COG3: variants seen among roughly 807,000 people sequenced by gnomAD.
COG3 encodes the protein conserved oligomeric Golgi complex subunit 3.
A neutral mutation model predicts 114.1 loss-of-function variants in COG3; 32 were observed. The observed-to-expected ratio is 0.28, with a 90% CI of 0.21 to 0.38. The LOEUF (loss-of-function observed/expected upper bound fraction) is 0.38. Among genes scored for constraint, COG3 ranks in the 10% least tolerant of loss-of-function variants. The pLI is 1.00. For missense variants in COG3, 813 were observed against 973.2 expected (o/e 0.84, Z 2.19); for synonymous variants, 352 against 365.7 (o/e 0.96, Z 0.43).
Position 45,465,162 on chromosome 13 carries a change from G to T in COG3, c.126G>T (p.Ser42=). 6.2e-7 allele frequency: 1 copy of T among 1,613,646 alleles called. No homozygotes were observed. Among genetic ancestry groups the T allele is most frequent in the Non-Finnish European group, 8.5e-7 (1 of 1,179,930 alleles). Residue 42 remains serine, a synonymous_variant, in exon 1 of 23, where the codon TCG becomes TCT. Coordinates refer to ENST00000349995, the MANE Select transcript of COG3 (RefSeq NM_031431.4). ...TAPLTDRQTD[S]VLELKAAAEN... is the part of the protein sequence containing the mutation. ...CGCTGACCGACAGGCAGACGGACTCGGTATTGGAGCTGAAGGCGGCGGCAG... is the reference window on the plus strand; with the variant it reads ...CGCTGACCGACAGGCAGACGGACTCTGTATTGGAGCTGAAGGCGGCGGCAG...
At chr13:45,493,241 AT>A in intron 11 of COG3, 105 bp from the exon 12 acceptor site, 1 of 827,892 alleles carries the variant, frequency 1.2e-6, no homozygotes, top group Non-Finnish European at 1.9e-6. Flanking sequence ...TTTCCAGTAG[AT>A]ACTTATTGTT....
chr13:45,480,243 A>G lies in COG3; in HGVS notation c.502A>G (p.Lys168Glu). 1.9e-6 allele frequency: 3 copies of G among 1,613,994 alleles called. No homozygotes were observed. The highest frequency in any genetic ancestry group is 2.5e-6 in the Non-Finnish European group (3 of 1,179,856). Residue 168 changes from lysine (K) to glutamate (E), a missense_variant, in exon 4 of 23, where the codon AAG becomes GAG. By Grantham distance (56) the Lys-to-Glu change is moderately conservative (BLOSUM62 1). Around this residue, in one of 2 missense-constraint regions of COG3, gnomAD observed 424 missense variants for 430.6 expected, o/e 0.98. Coordinates refer to ENST00000349995, the MANE Select transcript of COG3 (RefSeq NM_031431.4). Reference protein sequence around the residue: ...LQKQYLFVSNKTGTLHEACEQ... With the variant: ...LQKQYLFVSNETGTLHEACEQ... ...GAAACAGTATCTTTTTGTGTCCAAT[A>G]AGACAGGAACCCTACATGAAGCCTG...
intron 14 of COG3, among the ~76,000 whole-genome samples, chr13:45,508,394 A>ATT (rs1198504926): frequency 9.6e-6 from 1 of 103,674 alleles, no homozygotes; most frequent in Non-Finnish European, 1.8e-5. Flanking sequence ...TTTTATATAT[A>ATT]TATATATATA....
In COG3 at chr13:45,486,492, T is replaced by C; in HGVS notation, c.844-3T>C. On this transcript the variant is annotated splice_polypyrimidine_tract_variant and splice_region_variant and intron_variant, in intron 7 of 22. Coordinates refer to ENST00000349995, the MANE Select transcript of COG3 (RefSeq NM_031431.4). ...TTCCTTATCCTCCCCCATGTTTCTTTAGGATCCTTCATCTGTACCTAATGC... is the reference window on the plus strand; with the variant it reads ...TTCCTTATCCTCCCCCATGTTTCTTCAGGATCCTTCATCTGTACCTAATGC... The C allele has an allele frequency of 2.5e-6, 4 of 1,584,590 alleles. No homozygotes were observed. The highest frequency in any genetic ancestry group is 3.5e-6 in the Non-Finnish European group (4 of 1,153,364).
chr13:45,487,696 A>G (rs953931062), intron 8 of COG3, among the ~76,000 whole-genome samples: 2 of 152,146 alleles, frequency 1.3e-5, no homozygotes, highest in Admixed American at 6.5e-5. Flanking sequence ...ATGTCATCTC[A>G]CCCCAGTTAG....
chr13:45,533,011 C>CG (rs1207624431), intron 22 of COG3, among the ~76,000 whole-genome samples: 2 of 151,654 alleles, frequency 1.3e-5, no homozygotes, highest in South Asian at 4.2e-4. Flanking sequence ...GTGAGACACA[C>CG]GGGGGTTCAG....
intron 9 of COG3, 59 bp from the exon 10 acceptor site, chr13:45,491,353 G>T: frequency 6.4e-7 from 1 of 1,556,954 alleles, no homozygotes; most frequent in Non-Finnish European, 8.7e-7. Context: ...TGGGATTTAA[G>T]ATGAAATTTA....
chr13:45,502,138 T>C (rs1869606754), intron 13 of COG3, among the ~76,000 whole-genome samples: 1 of 152,156 alleles, frequency 6.6e-6, no homozygotes, highest in South Asian at 2.1e-4. Context: ...AGGAGCTGCC[T>C]TGACTTTGAG....
chr13:45,486,084 C>CG (rs1886617484), intron 7 of COG3, among the ~76,000 whole-genome samples: 1 of 125,000 alleles, frequency 8.0e-6, no homozygotes, highest in Admixed American at 7.5e-5. Context: ...CCGAGGTTGG[C>CG]GGATCACTCG....
intron 13 of COG3, among the ~76,000 whole-genome samples, chr13:45,499,535 G>A (rs1441821973): frequency 6.6e-6 from 1 of 152,128 alleles, no homozygotes; most frequent in Non-Finnish European, 1.5e-5. Flanking sequence ...AGCCCAGTTA[G>A]TAGCTCTTTC....
At chr13:45,525,609 A>AT (rs1190016803) in intron 20 of COG3, among the ~76,000 whole-genome samples, 4 of 65,212 alleles carry the variant, frequency 6.1e-5, no homozygotes, top group East Asian at 9.9e-4. Flanking sequence ...TTAAATGTAA[A>AT]TTTTTTTGTG....
intron 16 of COG3, among the ~76,000 whole-genome samples, chr13:45,512,354 C>T (rs2137885800): frequency 6.6e-6 from 1 of 152,206 alleles, no homozygotes; most frequent in African/African-American, 2.4e-5. Context: ...TGTTTTGAGA[C>T]AGGGTCTTGC....
chr13:45,534,608 T>G, intron 22 of COG3, 94 bp from the exon 23 acceptor site: 1 of 818,086 alleles, frequency 1.2e-6, no homozygotes. Flanking sequence ...GATGCTGAGG[T>G]TTTTCAACCC....
chr13:45,493,993 G>C (rs930547554), intron 12 of COG3: 3 of 152,304 alleles, frequency 2.0e-5, no homozygotes, highest in Admixed American at 1.3e-4. Context: ...TTGTCATAGA[G>C]AACATGATTT....
intron 16 of COG3, among the ~76,000 whole-genome samples, chr13:45,513,754 A>C (rs1871225557): frequency 6.6e-6 from 1 of 151,812 alleles, no homozygotes; most frequent in Non-Finnish European, 1.5e-5. Context: ...AAGTATTTCC[A>C]AGTCTGTGCC....
At chr13:45,517,079 C>T (rs1480884771) in intron 17 of COG3, among the ~76,000 whole-genome samples, 1 of 151,946 alleles carries the variant, frequency 6.6e-6, no homozygotes, top group East Asian at 1.9e-4. Context: ...AAGGATATAC[C>T]ATACACATCC....
intron 16 of COG3, among the ~76,000 whole-genome samples, chr13:45,512,201 C>G (rs1566265109): frequency 6.6e-6 from 1 of 152,216 alleles, no homozygotes; most frequent in Non-Finnish European, 1.5e-5. Context: ...ATAATCATCT[C>G]TCTCTACGAT....
intron 1 of COG3, among the ~76,000 whole-genome samples, chr13:45,467,594 C>G (rs1465015258): frequency 1.4e-5 from 2 of 144,326 alleles, no homozygotes; most frequent in African/African-American, 5.8e-5. Flanking sequence ...GATTCTGTCT[C>G]AAAAAGAATG....
intron 17 of COG3, among the ~76,000 whole-genome samples, chr13:45,518,494 GT>G (rs1871776767): frequency 6.6e-6 from 1 of 152,174 alleles, no homozygotes; most frequent in African/African-American, 2.4e-5. Flanking sequence ...AAATTTTAAG[GT>G]GCCGATTACC....
Sources: allele counts gnomAD v4.1 joint callset (sites outside exome capture counted in the v4.1 genomes callset), GRCh38; gene constraint gnomAD v4.1.1; regional missense constraint gnomAD v4.1.1; transcripts MANE v1.5; gene names NCBI Gene and HGNC (gene_info 2026-07-23, HGNC 2026-07-21).